Variants in GALNT9 observed in about 807,000 individuals in gnomAD.
The protein encoded by GALNT9 is GalNAc transferase 9.
Under a neutral mutation model 63.1 loss-of-function variants are expected in GALNT9, and 47 were observed. That is an observed-to-expected ratio of 0.75 (90% CI 0.59 to 0.95). GALNT9 has a LOEUF of 0.95. GALNT9 is among the 40% of genes least tolerant of loss of function. The pLI, the probability that GALNT9 is intolerant of heterozygous loss-of-function variation, is 0.00. For missense variants in GALNT9, 829 were observed against 874.8 expected (o/e 0.95, Z 0.66); for synonymous variants, 396 against 365.7 (o/e 1.08, Z -0.94).
At chr12:132,293,805 ATACAGTCAGGGCCAGAACGAGAAGCCG>A in intron 1 of GALNT9, among the ~76,000 whole-genome samples, 1 of 132,056 alleles carries the variant, frequency 7.6e-6, no homozygotes, top group Admixed American at 7.5e-5. Flanking sequence ...GGGGTCCCGT[ATACAGTCAGGGCCAGAACGAGAAGCCG>A]GGGGATCCCG....
At chr12:132,250,886 C>T (rs977012210) in intron 5 of GALNT9, among the ~76,000 whole-genome samples, 10 of 152,226 alleles carry the variant, frequency 6.6e-5, no homozygotes, top group Non-Finnish European at 1.3e-4. Flanking sequence ...ACCCACATCC[C>T]CGGAGGCCTG....
At chr12:132,269,418 G>T (rs1879782704) in intron 2 of GALNT9, among the ~76,000 whole-genome samples, 1 of 152,340 alleles carries the variant, frequency 6.6e-6, no homozygotes, top group Admixed American at 6.5e-5. Context: ...GAGGTCAGCA[G>T]CGTCCTCCGG....
rs1461670023 is a variant in GALNT9, at chr12:132,278,005, C to A, written c.419+8245G>T. 6 of 148,428 alleles carry A rather than the reference C, an allele frequency of 4.0e-5. No individual in the cohort carries two copies. The East Asian group carries it at 1.3e-3, about 32-fold the overall frequency. 9.2% of individuals were successfully genotyped at this position (148,428 alleles called of 1,614,324 possible). ...CCTCCCCCCGCCCCGGCCCCCTCCC[C>A]CTCACTCCCACACCCACCCTCTCTG... On this transcript the variant is annotated intron_variant, in intron 2 of 10. Coordinates refer to ENST00000328957, the MANE Select transcript of GALNT9 (RefSeq NM_001122636.2).
intron 1 of GALNT9, among the ~76,000 whole-genome samples, chr12:132,326,300 G>A (rs1454317998): frequency 6.6e-6 from 1 of 152,252 alleles, no homozygotes; most frequent in Non-Finnish European, 1.5e-5. Context: ...ATATTCAGAA[G>A]GGTGGTTTTT....
chr12:132,286,170 G>A lies in GALNT9; in HGVS notation c.419+80C>T. The A allele has an allele frequency of 2.1e-6, 3 of 1,412,526 alleles. No individual in the cohort carries two copies. The highest frequency in any genetic ancestry group is 1.9e-6 in the Non-Finnish European group (2 of 1,066,922). The allele number at this position is 1,412,526 out of a possible 1,614,324, so 87.5% of individuals were successfully genotyped here. A position where few individuals can be genotyped will look rare whatever the true frequency, so the allele number is the denominator to read the frequency against. The stretch of plus-strand genomic sequence containing the variant: ...CTCACTTCCCCGGCCGGCGTGGGGG[G>A]CAGTCACTTCCCTGGCCAGTGTGGG... On this transcript the variant is annotated intron_variant, in intron 2 of 10. Transcript: ENST00000328957. The surrounding 1 kb of genome is among the most constrained non-coding windows in gnomAD (Gnocchi z 7.4).
chr12:132,302,572 A>G (rs1434512384), intron 1 of GALNT9, among the ~76,000 whole-genome samples: 2 of 152,240 alleles, frequency 1.3e-5, no homozygotes, highest in Admixed American at 6.5e-5. Context: ...TGGGTGGGGC[A>G]GGTCCAGGTG....
chr12:132,298,125 G>T (rs149711815), intron 1 of GALNT9, among the ~76,000 whole-genome samples: 247 of 151,702 alleles, frequency 1.6e-3, no homozygotes, highest in Non-Finnish European at 1.7e-3. Flanking sequence ...AAGATACCTA[G>T]CCCACTCCTG....
rs548937320 is a variant in GALNT9, at chr12:132,286,099, C to T, written c.419+151G>A. The T allele has an allele frequency of 1.2e-5, 12 of 1,034,080 alleles. No individual in the cohort carries two copies. The highest frequency in any genetic ancestry group is 3.6e-5 in the South Asian group (2 of 55,498). 64.1% of individuals were successfully genotyped at this position (1,034,080 alleles called of 1,614,324 possible). ...CCAGCGTGGGGGGCGGTCACTTCCCCGGCGGGCGTGGGGGGCGGTCACTTC... is the reference window on the plus strand; with the variant it reads ...CCAGCGTGGGGGGCGGTCACTTCCCTGGCGGGCGTGGGGGGCGGTCACTTC... On this transcript the variant is annotated intron_variant, in intron 2 of 10. Coordinates refer to ENST00000328957, the MANE Select transcript of GALNT9 (RefSeq NM_001122636.2). This position sits in a 1 kb window ranked among gnomAD's most constrained non-coding sequence, Gnocchi z 7.4.
chr12:132,286,328 T>A lies in GALNT9; in HGVS notation c.341A>T (p.Tyr114Phe). The A allele has an allele frequency of 6.4e-7, 1 of 1,551,234 alleles. No individual in the cohort carries two copies. Among genetic ancestry groups the A allele is most frequent in the Non-Finnish European group, 8.7e-7 (1 of 1,146,902 alleles). ...RDDGQEAEGK[Y>F]EEYGYNAQLS... ...CTGAGCGTTGTAGCCGTACTCCTCA[T>A]ACTTGCCTTCCGCCTCCTGGCCGTC... Residue 114 changes from tyrosine to phenylalanine, a missense_variant, in exon 2 of 11, where the codon TAT becomes TTT. Tyr to Phe is a conservative substitution (Grantham distance 22). Coordinates refer to ENST00000328957, the MANE Select transcript of GALNT9 (RefSeq NM_001122636.2). This position sits in a 1 kb window ranked among gnomAD's most constrained non-coding sequence, Gnocchi z 7.4.
At chr12:132,313,953 T>C (rs1156392828) in intron 1 of GALNT9, among the ~76,000 whole-genome samples, 12 of 56,668 alleles carry the variant, frequency 2.1e-4, no homozygotes, top group East Asian at 5.6e-4. Context: ...CACCCACCCA[T>C]CCATCCACCC....
intron 5 of GALNT9, among the ~76,000 whole-genome samples, chr12:132,250,437 T>C (rs1469382373): frequency 6.6e-6 from 1 of 152,200 alleles, no homozygotes; most frequent in African/African-American, 2.4e-5. Flanking sequence ...ATTTGTGTTA[T>C]ATGAGTTTCA....
At chr12:132,313,258 C>T (rs1343614269) in intron 1 of GALNT9, among the ~76,000 whole-genome samples, 3 of 147,700 alleles carry the variant, frequency 2.0e-5, no homozygotes, top group African/African-American at 5.0e-5. Flanking sequence ...TCCATCCATC[C>T]ATCCACCCAC....
intron 6 of GALNT9, among the ~76,000 whole-genome samples, chr12:132,243,459 C>A (rs1555237691): frequency 1.9e-5 from 2 of 103,910 alleles, no homozygotes; most frequent in Admixed American, 1.1e-4. Context: ...GGGGGCCCCA[C>A]CTGGCCGACC....
At chr12:132,273,454 G>A (rs1259199259) in intron 2 of GALNT9, 2 of 152,420 alleles carry the variant, frequency 1.3e-5, no homozygotes, top group African/African-American at 4.8e-5. Context: ...CTTCAATGGT[G>A]GCAAGGTGCC....
Position 132,327,095 on chromosome 12 carries a change from G to A in GALNT9, c.238+1871C>T, listed in dbSNP as rs1016508490. Among the ~76,000 whole-genome samples the A allele has an allele frequency of 3.3e-5, 5 of 152,162 alleles. No individual in the cohort carries two copies. Among genetic ancestry groups the A allele is most frequent in the Non-Finnish European group, 7.3e-5 (5 of 68,032 alleles). ...AAACTCGGCCTCATCAAAAGGTTGA[G>A]GGCAAAGACAGAGGCAGACAGATGG... On this transcript the variant is annotated intron_variant, in intron 1 of 10. Transcript: ENST00000328957. The surrounding 1 kb of genome is among the most constrained non-coding windows in gnomAD (Gnocchi z 4.3).
At chr12:132,240,572 G>A (rs1300995687) in intron 6 of GALNT9, 6 of 453,584 alleles carry the variant, frequency 1.3e-5, no homozygotes, top group Admixed American at 2.4e-5. Flanking sequence ...GGCTCCGTGC[G>A]TGGCCCCGGG....
At chr12:132,264,394 G>T (rs751006209) in intron 2 of GALNT9, among the ~76,000 whole-genome samples, 6 of 152,268 alleles carry the variant, frequency 3.9e-5, no homozygotes, top group Non-Finnish European at 7.3e-5. Flanking sequence ...AGCAGGAAGG[G>T]GGCTGGTGGC....
intron 1 of GALNT9, among the ~76,000 whole-genome samples, chr12:132,321,696 A>G (rs1045427640): frequency 4.6e-5 from 7 of 151,908 alleles, no homozygotes; most frequent in African/African-American, 1.7e-4. Context: ...TTCACAATTC[A>G]GAGAGTGGCT....
At chr12:132,201,987 C>T (rs998625324) in intron 7 of GALNT9, among the ~76,000 whole-genome samples, 2 of 152,232 alleles carry the variant, frequency 1.3e-5, no homozygotes, top group African/African-American at 4.8e-5. Context: ...CCTCCAGGCT[C>T]AGGCCTTGTG....
Sources: allele counts gnomAD v4.1 joint callset (sites outside exome capture counted in the v4.1 genomes callset), GRCh38; gene constraint gnomAD v4.1.1; non-coding constraint Gnocchi (gnomAD v3.1); transcripts MANE v1.5; gene names NCBI Gene and HGNC (gene_info 2026-07-23, HGNC 2026-07-21).